Variants in CNTNAP2 observed in about 807,000 individuals in gnomAD.
The protein encoded by CNTNAP2 is contactin-associated protein-like 2.
CNTNAP2 carries 98 observed loss-of-function variants against 155.2 expected under a neutral mutation model. The observed-to-expected ratio is 0.63, with a 90% CI of 0.54 to 0.75. The LOEUF (loss-of-function observed/expected upper bound fraction) is 0.75. Among genes scored for constraint, CNTNAP2 ranks in the 30% least tolerant of loss-of-function variants. The probability of loss-of-function intolerance (pLI) is 0.00; values close to 1 mark genes in which losing one functional copy is unlikely to be tolerated. For missense variants in CNTNAP2, 1,727 were observed against 1,688.1 expected, an observed-to-expected ratio of 1.02 and a Z score of -0.40; for synonymous variants, 651 against 631.2, an observed-to-expected ratio of 1.03 and a Z score of -0.47.
At chr7:147,837,940 A>G (rs982064764) in intron 13 of CNTNAP2, among the ~76,000 whole-genome samples, 13 of 152,116 alleles carry the variant, frequency 8.5e-5, no homozygotes, top group African/African-American at 2.9e-4. Context: ...TTCCAGGTGC[A>G]TGGTAGTTCT....
chr7:146,180,700 A>T (rs2116835339), intron 1 of CNTNAP2, among the ~76,000 whole-genome samples: 1 of 152,242 alleles, frequency 6.6e-6, no homozygotes, highest in East Asian at 1.9e-4. Context: ...CTTCATACCA[A>T]ATACTAAATT....
chr7:146,815,563 C>A (rs1291032864), intron 2 of CNTNAP2, among the ~76,000 whole-genome samples: 1 of 152,012 alleles, frequency 6.6e-6, no homozygotes, highest in African/African-American at 2.4e-5. Flanking sequence ...TACACATACA[C>A]AAACATATAT....
Position 146,171,566 on chromosome 7 carries a change from A to G in CNTNAP2, c.97+54593A>G, listed in dbSNP as rs149061347. On this transcript the variant is annotated intron_variant, in intron 1 of 23. Coordinates refer to ENST00000361727, the MANE Select transcript of CNTNAP2 (RefSeq NM_014141.6). ...CTCAAGTAATATTTTCTGGAAAGCT[A>G]TGAGCAAGTGTTTTATGAATTCTAA... Among the ~76,000 whole-genome samples the G allele has an allele frequency of 7.7e-3, 1,168 of 152,282 alleles. 11 individuals are homozygous for G. The highest frequency in any genetic ancestry group is 0.012 in the Non-Finnish European group (799 of 68,002).
intron 13 of CNTNAP2, among the ~76,000 whole-genome samples, chr7:147,690,781 C>T (rs997559659): frequency 2.0e-5 from 3 of 151,950 alleles, no homozygotes; most frequent in African/African-American, 7.3e-5. Context: ...TTGAATAATA[C>T]AATTAATCAT....
At chr7:147,949,434 C>CCG (rs34265741) in intron 14 of CNTNAP2, among the ~76,000 whole-genome samples, 31,747 of 113,320 alleles carry the variant, frequency 0.28, 3,838 homozygotes, top group Middle Eastern at 0.46. Context: ...CAAGGATCAA[C>CCG]TGTGTGTATA....
chr7:148,281,348 G>A (rs1234246709), intron 21 of CNTNAP2, among the ~76,000 whole-genome samples: 1 of 152,196 alleles, frequency 6.6e-6, no homozygotes, highest in Non-Finnish European at 1.5e-5. Flanking sequence ...CCTCCTAAGA[G>A]TAGAATGCAG....
At chr7:146,354,909 T>A (rs1794975954) in intron 1 of CNTNAP2, among the ~76,000 whole-genome samples, 4 of 152,158 alleles carry the variant, frequency 2.6e-5, no homozygotes. Context: ...GCATAAATAT[T>A]TGTATTTTGA....
At chr7:146,255,130 AG>A (rs745910981) in intron 1 of CNTNAP2, among the ~76,000 whole-genome samples, 2 of 152,186 alleles carry the variant, frequency 1.3e-5, no homozygotes, top group Non-Finnish European at 2.9e-5. Context: ...GAATACTAAC[AG>A]GTCACAATAA....
chr7:147,180,861 T>C (rs1802442023), intron 8 of CNTNAP2, among the ~76,000 whole-genome samples: 1 of 152,084 alleles, frequency 6.6e-6, no homozygotes. Flanking sequence ...ATTATTTACA[T>C]AGGAAGCTAC....
intron 15 of CNTNAP2, among the ~76,000 whole-genome samples, chr7:148,089,954 A>T (rs1803805819): frequency 6.6e-6 from 1 of 151,858 alleles, no homozygotes; most frequent in Non-Finnish European, 1.5e-5. Flanking sequence ...CAGAATAAAG[A>T]CCCCAGAAAT....
At chr7:147,323,914 AC>A (rs1795401557) in intron 9 of CNTNAP2, among the ~76,000 whole-genome samples, 1 of 152,104 alleles carries the variant, frequency 6.6e-6, no homozygotes, top group African/African-American at 2.4e-5. Flanking sequence ...AGAAAAATGG[AC>A]CATTTCCCAA....
rs1250632757 is a variant in CNTNAP2, at chr7:147,695,437, A to T, written c.2098+56131A>T. On this transcript the variant is annotated intron_variant, in intron 13 of 23. Transcript: ENST00000361727. ...GTTAATTTATGGATGAAGGGTATCGAAGTTGCCAACTATAACAGTGGGACT... is the reference window on the plus strand; with the variant it reads ...GTTAATTTATGGATGAAGGGTATCGTAGTTGCCAACTATAACAGTGGGACT... Among the ~76,000 whole-genome samples, 11 of 152,280 alleles carry T rather than the reference A, an allele frequency of 7.2e-5. No homozygotes were observed. In the East Asian group the frequency reaches 2.1e-3, roughly 29 times the overall value.
At chr7:146,541,356 A>C (rs1453128854) in intron 1 of CNTNAP2, among the ~76,000 whole-genome samples, 1 of 152,088 alleles carries the variant, frequency 6.6e-6, no homozygotes, top group Admixed American at 6.6e-5. Context: ...TAATAAGGAG[A>C]GACCTATCTG....
intron 1 of CNTNAP2, among the ~76,000 whole-genome samples, chr7:146,455,923 A>G (rs1337217380): frequency 1.3e-5 from 2 of 152,210 alleles, no homozygotes; most frequent in Non-Finnish European, 2.9e-5. Context: ...TGAAATATAT[A>G]AAACACATGA....
intron 10 of CNTNAP2, among the ~76,000 whole-genome samples, chr7:147,410,217 A>G (rs1293021919): frequency 6.6e-6 from 1 of 152,222 alleles, no homozygotes; most frequent in African/African-American, 2.4e-5. Context: ...CATAACAAAT[A>G]ATAAGATTAT....
At chr7:148,015,067 G>A (rs1802151950) in intron 15 of CNTNAP2, among the ~76,000 whole-genome samples, 1 of 151,370 alleles carries the variant, frequency 6.6e-6, no homozygotes, top group Non-Finnish European at 1.5e-5. Context: ...ATGTTTTTTT[G>A]TTTTTGTTTT....
intron 1 of CNTNAP2, among the ~76,000 whole-genome samples, chr7:146,178,630 C>G (rs73452070): frequency 6.6e-6 from 1 of 152,040 alleles, no homozygotes; most frequent in African/African-American, 2.4e-5. Context: ...TTAAAATTTC[C>G]TATTTTTTTA....
At chr7:147,185,078 G>T (rs1802536734) in intron 8 of CNTNAP2, among the ~76,000 whole-genome samples, 1 of 151,862 alleles carries the variant, frequency 6.6e-6, no homozygotes, top group Admixed American at 6.6e-5. Context: ...GTTTATGTGG[G>T]GAATGTTATC....
chr7:148,353,655 A>ACC (rs752298155), intron 21 of CNTNAP2, among the ~76,000 whole-genome samples: 21 of 151,126 alleles, frequency 1.4e-4, no homozygotes, highest in African/African-American at 4.9e-4. Context: ...GTGAGTTTTC[A>ACC]CACACACACA....
Sources: gnomAD v4.1 joint callset for allele counts (sites outside exome capture counted in the v4.1 genomes callset) on GRCh38, gnomAD v4.1.1 for gene constraint, MANE v1.5 for transcripts, NCBI Gene and HGNC (gene_info 2026-07-23, HGNC 2026-07-21) for gene names.